The following LYN variants were observed in gnomAD, a reference collection of about 807,000 sequenced individuals.
LYN encodes the protein LYN proto-oncogene, Src family tyrosine kinase, also known as tyrosine-protein kinase Lyn.
LYN carries 12 observed loss-of-function variants against 65.0 expected under a neutral mutation model. That is an observed-to-expected ratio of 0.18 (90% CI 0.12 to 0.30). The LOEUF is 0.30. LYN is among the 10% of genes least tolerant of loss of function. The pLI is 1.00. For missense variants in LYN, 380 were observed against 623.2 expected, an observed-to-expected ratio of 0.61 and a Z score of 4.16; for synonymous variants, 222 against 221.2, an observed-to-expected ratio of 1.00 and a Z score of -0.03.
intron 1 of LYN, among the ~76,000 whole-genome samples, chr8:55,911,106 C>CATACATATATATACGT: frequency 5.7e-3 from 6 of 1,054 alleles, no homozygotes; most frequent in African/African-American, 0.017. Flanking sequence ...TATACATACA[C>CATACATATATATACGT]GTATATATAC....
At chr8:55,915,521 A>G (rs780632434) in intron 1 of LYN, among the ~76,000 whole-genome samples, 7 of 152,134 alleles carry the variant, frequency 4.6e-5, no homozygotes, top group Non-Finnish European at 8.8e-5. Flanking sequence ...CCTGGTCAAC[A>G]TGGTGAAACC....
chr8:55,977,789 C>T (rs1160591121), intron 10 of LYN, among the ~76,000 whole-genome samples: 3 of 150,998 alleles, frequency 2.0e-5, no homozygotes, highest in Non-Finnish European at 4.4e-5. Flanking sequence ...GCCTGATGGT[C>T]GTGCCTGTAA....
intron 1 of LYN, among the ~76,000 whole-genome samples, chr8:55,905,446 A>G (rs1585581057): frequency 6.6e-6 from 1 of 152,102 alleles, no homozygotes; most frequent in African/African-American, 2.4e-5. Context: ...AAAGAAAGAC[A>G]AAAGAAAACA....
At chr8:55,897,398 T>C (rs763166696) in intron 1 of LYN, among the ~76,000 whole-genome samples, 2 of 152,196 alleles carry the variant, frequency 1.3e-5, no homozygotes, top group Non-Finnish European at 2.9e-5. Flanking sequence ...GGGAGCATTC[T>C]GACGCTGAGC....
chr8:55,900,010 G>A (rs982094174), intron 1 of LYN, among the ~76,000 whole-genome samples: 1 of 151,068 alleles, frequency 6.6e-6, no homozygotes, highest in Non-Finnish European at 1.5e-5. Flanking sequence ...GTACGAGGTG[G>A]AGCTGAACTT....
intron 1 of LYN, among the ~76,000 whole-genome samples, chr8:55,920,854 G>A (rs1175473041): frequency 1.4e-5 from 2 of 148,112 alleles, no homozygotes; most frequent in Admixed American, 1.4e-4. Flanking sequence ...GTGCTACCAC[G>A]CCTGGCTAAT....
At chr8:55,975,235 G>A (rs1807721708) in intron 10 of LYN, among the ~76,000 whole-genome samples, 1 of 152,162 alleles carries the variant, frequency 6.6e-6, no homozygotes, top group African/African-American at 2.4e-5. Flanking sequence ...CACAGCTGGT[G>A]GTTAGCTCTT....
chr8:55,943,864 C>T (rs1430225892), intron 2 of LYN, among the ~76,000 whole-genome samples: 1 of 152,002 alleles, frequency 6.6e-6, no homozygotes, highest in African/African-American at 2.4e-5. Context: ...AGGTGCATCA[C>T]CTGAGGTCAG....
intron 1 of LYN, among the ~76,000 whole-genome samples, chr8:55,927,241 T>A (rs961427506): frequency 1.3e-5 from 2 of 152,206 alleles, no homozygotes; most frequent in African/African-American, 2.4e-5. Flanking sequence ...ATTCTTCACA[T>A]GTTTATTCCT....
chr8:55,923,117 G>T (rs1050606997), intron 1 of LYN, among the ~76,000 whole-genome samples: 1 of 152,050 alleles, frequency 6.6e-6, no homozygotes, highest in African/African-American at 2.4e-5. Context: ...TGACTGGAAT[G>T]GTGAGAAAAA....
At chr8:55,902,861 T>C (rs1805310969) in intron 1 of LYN, 1 of 444,176 alleles carries the variant, frequency 2.3e-6, no homozygotes, top group African/African-American at 2.1e-5. Flanking sequence ...AGGCTTTTTT[T>C]TTTTGGAGAC....
chr8:55,998,516 A>G lies in LYN; in HGVS notation c.1204+17A>G, dbSNP rs1325518086. On this transcript the variant is annotated intron_variant, in intron 11 of 12. Transcript: ENST00000519728. Reference sequence around the variant, plus strand: ...CAAGGGAAGGTATGTTGCACTAATGATCTTTAGATGTTTTATTATTGTGTT... The same window carrying G: ...CAAGGGAAGGTATGTTGCACTAATGGTCTTTAGATGTTTTATTATTGTGTT... The G allele has an allele frequency of 1.9e-6, 3 of 1,593,524 alleles. No individual in the cohort carries two copies. The African/African-American group carries it at 4.0e-5, about 21-fold the overall frequency.
rs1202170462 is a variant in LYN at position 55,911,281 on chromosome 8, A to T, written c.-5-30574A>T. On this transcript the variant is annotated intron_variant, in intron 1 of 12. Transcript: ENST00000519728. ...TGTATATATATATATATATATATATATATATTTTTTTTTTTTTTTTAGTAG... is the reference window on the plus strand; with the variant it reads ...TGTATATATATATATATATATATATTTATATTTTTTTTTTTTTTTTAGTAG... 4.9e-4 allele frequency among the ~76,000 whole-genome samples: 21 copies of T among 43,150 alleles called. 2 individuals are homozygous for T. Among genetic ancestry groups the T allele is most frequent in the African/African-American group, 7.6e-4 (7 of 9,192 alleles). 28.3% of individuals were successfully genotyped at this position (43,150 alleles called of 152,430 possible).
At chr8:56,001,341 CT>C (rs1698929366) in intron 12 of LYN, among the ~76,000 whole-genome samples, 1 of 152,182 alleles carries the variant, frequency 6.6e-6, no homozygotes, top group African/African-American at 2.4e-5. Context: ...GTTAGAGTGG[CT>C]CAGGGAGAGA....
chr8:55,930,158 C>T (rs977676143), intron 1 of LYN, among the ~76,000 whole-genome samples: 18 of 152,186 alleles, frequency 1.2e-4, no homozygotes, highest in Admixed American at 5.9e-4. Flanking sequence ...AAACCAGTCA[C>T]GGATGCTAAA....
chr8:55,905,821 G>A (rs1432642914), intron 1 of LYN, among the ~76,000 whole-genome samples: 1 of 152,076 alleles, frequency 6.6e-6, no homozygotes, highest in Non-Finnish European at 1.5e-5. Flanking sequence ...TTGCTCCAGG[G>A]ACTTCCCATT....
At chr8:55,948,062 C>T (rs529744118) in intron 4 of LYN, among the ~76,000 whole-genome samples, 23 of 152,222 alleles carry the variant, frequency 1.5e-4, no homozygotes, top group Non-Finnish European at 3.2e-4. Flanking sequence ...CAGCCTTGAA[C>T]TCCTAGGCTA....
chr8:55,942,140 C>A, intron 2 of LYN, 149 bp downstream of exon 2: 1 of 806,256 alleles, frequency 1.2e-6, no homozygotes, highest in Non-Finnish European at 1.9e-6. Flanking sequence ...GTAACTTTAT[C>A]CTTTGAAGAA....
chr8:55,996,606 T>C (rs951299972), intron 10 of LYN, among the ~76,000 whole-genome samples: 8 of 152,098 alleles, frequency 5.3e-5, no homozygotes, highest in Non-Finnish European at 5.9e-5. Context: ...TTCCTTCATT[T>C]CCTTGTTCCT....
Sources: gnomAD v4.1 joint callset for allele counts (sites outside exome capture counted in the v4.1 genomes callset) on GRCh38, gnomAD v4.1.1 for gene constraint, MANE v1.5 for transcripts, NCBI Gene and HGNC (gene_info 2026-07-23, HGNC 2026-07-21) for gene names.